MOB4: variants seen among roughly 807,000 people sequenced by gnomAD.
MOB4 encodes the protein MOB-like protein phocein.
A neutral mutation model predicts 32.2 loss-of-function variants in MOB4; 4 were observed. The ratio of observed to expected loss-of-function variants is 0.12; its 90% CI spans 0.06 to 0.28. The LOEUF (loss-of-function observed/expected upper bound fraction) is 0.28. Ranked by LOEUF, MOB4 falls within the 10% of genes least tolerant of loss-of-function variation. The probability of loss-of-function intolerance (pLI) is 1.00; values close to 1 mark genes in which losing one functional copy is unlikely to be tolerated. For synonymous variants in MOB4, 88 were observed against 88.1 expected, an observed-to-expected ratio of 1.00 and a Z score of 0.01; for missense variants, 158 against 271.2, an observed-to-expected ratio of 0.58 and a Z score of 2.93.
intron 1 of MOB4, among the ~76,000 whole-genome samples, chr2:197,519,721 G>C (rs1254968790): frequency 6.6e-6 from 1 of 152,090 alleles, no homozygotes. Context: ...TGAATCTGCA[G>C]ATTAAACCTG....
In MOB4 at chr2:197,540,367, A is replaced by T. The variant is rs2086876983; in HGVS notation, c.284A>T (p.Asp95Val). The T allele has an allele frequency of 3.8e-6, 6 of 1,583,788 alleles. No homozygotes were observed. Among genetic ancestry groups the T allele is most frequent in the Non-Finnish European group, 5.1e-6 (6 of 1,169,502 alleles). ...TTTTAACAGAGTGAATGCCATCCAG[A>T]TACTTGCACTCAAATGACAGCAACT... Reference protein sequence around the residue: ...AVKLQSECHPDTCTQMTATEQ... With the variant: ...AVKLQSECHPVTCTQMTATEQ... Residue 95 changes from aspartate to valine, a missense_variant, in exon 5 of 8, where the codon GAT (aspartate) becomes GTT (valine). By Grantham distance (152) the Asp-to-Val change is radical. Around this residue, in one of 6 missense-constraint regions of MOB4, gnomAD observed 21 missense variants for 19.8 expected, o/e 1.06. Coordinates refer to ENST00000323303, the MANE Select transcript of MOB4 (RefSeq NM_015387.5).
In MOB4 at chr2:197,538,390, G is replaced by GTT. The variant is rs780605739; in HGVS notation, c.225-1707_225-1706dup. Among the ~76,000 whole-genome samples, 83 of 127,976 alleles carry GTT rather than the reference G, an allele frequency of 6.5e-4. 2 individuals carry two copies. In the South Asian group the frequency reaches 9.5e-3, roughly 15 times the overall value. The allele number at this position is 127,976 out of a possible 152,430, so 84.0% of individuals were successfully genotyped here. A position where few individuals can be genotyped will look rare whatever the true frequency, so the allele number is the denominator to read the frequency against. ...CATTTTATTAGTTGACCAGGAAGAG[G>GTT]TTTTTTTTTTTTTTTGCATACATCC... On this transcript the variant is annotated intron_variant, in intron 3 of 7. Coordinates refer to ENST00000323303, the MANE Select transcript of MOB4 (RefSeq NM_015387.5).
At chr2:197,521,885 T>C (rs548096733) in intron 1 of MOB4, among the ~76,000 whole-genome samples, 6 of 152,326 alleles carry the variant, frequency 3.9e-5, no homozygotes, top group Middle Eastern at 3.4e-3. Context: ...TTTGTGCAGT[T>C]AACACAATTA....
intron 2 of MOB4, among the ~76,000 whole-genome samples, chr2:197,530,575 T>C (rs933000011): frequency 6.6e-6 from 1 of 152,108 alleles, no homozygotes; most frequent in African/African-American, 2.4e-5. Context: ...CCATGGTTTC[T>C]GATGAGAAAG....
upstream of MOB4, chr2:197,516,040 C>T (rs775334224): frequency 5.8e-6 from 9 of 1,542,818 alleles, no homozygotes; most frequent in African/African-American, 2.8e-5. Flanking sequence ...CGCAGGCTGC[C>T]GTCCCTACAT....
chr2:197,524,030 A>T (rs994281863), intron 2 of MOB4, among the ~76,000 whole-genome samples: 25 of 152,216 alleles, frequency 1.6e-4, no homozygotes, highest in African/African-American at 6.0e-4. Context: ...ACTTGAGGCC[A>T]GGAGTTCAAG....
At position 197,532,963 on chromosome 2, in the gene MOB4, G is replaced by C. The variant is rs1340858843; in HGVS notation, c.124-2567G>C. On this transcript the variant is annotated intron_variant, in intron 2 of 7. Transcript: ENST00000323303. ...AAAATACAGAAATTAGCTGGGCATG[G>C]TGGCGCATGTCTATAATCCCGGCTA... Among the ~76,000 whole-genome samples, 6 of 151,980 alleles carry C rather than the reference G, an allele frequency of 3.9e-5. No individual in the cohort carries two copies. The East Asian group carries it at 9.7e-4, about 25-fold the overall frequency.
intron 3 of MOB4, among the ~76,000 whole-genome samples, chr2:197,539,769 A>G (rs2086866349): frequency 1.3e-5 from 2 of 152,198 alleles, no homozygotes; most frequent in African/African-American, 4.8e-5. Flanking sequence ...ATTTCATTAC[A>G]ATAGATTCTT....
intron 5 of MOB4, among the ~76,000 whole-genome samples, chr2:197,545,645 A>G (rs1380396227): frequency 6.6e-6 from 1 of 152,248 alleles, no homozygotes; most frequent in Non-Finnish European, 1.5e-5. Flanking sequence ...CACCATGGAT[A>G]AGCCTTGAAA....
At chr2:197,530,385 A>C (rs191415908) in intron 2 of MOB4, among the ~76,000 whole-genome samples, 2 of 149,040 alleles carry the variant, frequency 1.3e-5, no homozygotes, top group Non-Finnish European at 1.5e-5. Flanking sequence ...TTCTCACCTC[A>C]CCTTTCTGAG....
intron 2 of MOB4, among the ~76,000 whole-genome samples, chr2:197,533,618 G>A (rs748981942): frequency 6.6e-6 from 1 of 151,374 alleles, no homozygotes; most frequent in Non-Finnish European, 1.5e-5. Flanking sequence ...CCAGCTACTC[G>A]GGAGGCTGAG....
chr2:197,532,369 A>G (rs932526806), intron 2 of MOB4, among the ~76,000 whole-genome samples: 1 of 152,254 alleles, frequency 6.6e-6, no homozygotes, highest in Admixed American at 6.5e-5. Context: ...GTTTCTAAAT[A>G]TATGGTTAAA....
rs780585206 is a variant in MOB4 at position 197,548,345 on chromosome 2, A to G, written c.364A>G (p.Ile122Val). The G allele has an allele frequency of 2.5e-6, 4 of 1,610,920 alleles. No individual in the cohort carries two copies. Among genetic ancestry groups the G allele is most frequent in the Non-Finnish European group, 2.5e-6 (3 of 1,178,518 alleles). Residue 122 changes from isoleucine (I) to valine (V), a missense_variant, in exon 6 of 8, where the codon ATA (isoleucine) becomes GTA (valine). Around this residue, in one of 6 missense-constraint regions of MOB4, gnomAD observed 22 missense variants for 61.2 expected, o/e 0.36. Transcript: ENST00000323303. Reference protein sequence around the residue: ...AHKTPKECPAIDYTRHTLDGA... With the variant: ...AHKTPKECPAVDYTRHTLDGA... ...ATTCTTTCTTTTGTAGTGTCCTGCT[A>G]TAGACTATACTAGACACACACTTGA...
At chr2:197,531,173 G>A (rs1158639124) in intron 2 of MOB4, among the ~76,000 whole-genome samples, 3 of 150,672 alleles carry the variant, frequency 2.0e-5, no homozygotes, top group Non-Finnish European at 4.4e-5. Flanking sequence ...TCAGCCTGCC[G>A]AGTAGCTGGG....
At chr2:197,523,798 G>A in intron 2 of MOB4, 112 bp downstream of exon 2, 3 of 1,009,340 alleles carry the variant, frequency 3.0e-6, no homozygotes, top group Non-Finnish European at 4.2e-6. Flanking sequence ...TCCCAATAAA[G>A]CGTGCTCTTT....
intron 5 of MOB4, among the ~76,000 whole-genome samples, chr2:197,543,535 G>A (rs2086936444): frequency 2.0e-5 from 3 of 151,910 alleles, no homozygotes; most frequent in African/African-American, 7.3e-5. Flanking sequence ...AGGGAATGAA[G>A]TTCTGATACA....
intron 2 of MOB4, among the ~76,000 whole-genome samples, chr2:197,525,046 T>C (rs2086585245): frequency 6.6e-6 from 1 of 152,082 alleles, no homozygotes; most frequent in Non-Finnish European, 1.5e-5. Context: ...GATAGCCAGA[T>C]AATAAAAGTA....
At chr2:197,528,852 C>T (rs1180377372) in intron 2 of MOB4, among the ~76,000 whole-genome samples, 2 of 151,934 alleles carry the variant, frequency 1.3e-5, no homozygotes, top group African/African-American at 4.8e-5. Flanking sequence ...CTCCTGACCT[C>T]GTGATCTGCC....
chr2:197,544,975 C>G (rs1287779956), intron 5 of MOB4, among the ~76,000 whole-genome samples: 1 of 152,056 alleles, frequency 6.6e-6, no homozygotes, highest in African/African-American at 2.4e-5. Context: ...TCAGCTATTT[C>G]AAAAAACAGT....
Sources: gnomAD v4.1 joint callset for allele counts (sites outside exome capture counted in the v4.1 genomes callset) on GRCh38, gnomAD v4.1.1 for gene constraint, gnomAD v4.1.1 regional missense constraint, MANE v1.5 for transcripts, NCBI Gene and HGNC (gene_info 2026-07-23, HGNC 2026-07-21) for gene names.